SRD5A2: variants seen among roughly 807,000 people sequenced by gnomAD.
The protein encoded by SRD5A2 is 3-oxo-5-alpha-steroid 4-dehydrogenase 2.
Under a neutral mutation model 27.4 loss-of-function variants are expected in SRD5A2, and 30 were observed. The ratio of observed to expected loss-of-function variants is 1.10; its 90% CI spans 0.82 to 1.49. The LOEUF (loss-of-function observed/expected upper bound fraction) is 1.49. Among genes scored for constraint, SRD5A2 ranks in the 40% most tolerant of loss-of-function variants. The probability of loss-of-function intolerance (pLI) is 0.00; values close to 1 mark genes in which losing one functional copy is unlikely to be tolerated. For synonymous variants in SRD5A2, 141 were observed against 133.6 expected (o/e 1.06, Z -0.38); for missense variants, 348 against 323.4 (o/e 1.08, Z -0.58).
chr2:31,536,284 G>A (rs1312963299), intron 1 of SRD5A2, among the ~76,000 whole-genome samples: 1 of 152,208 alleles, frequency 6.6e-6, no homozygotes, highest in Non-Finnish European at 1.5e-5. Flanking sequence ...CAACTACAAA[G>A]TATCAAAAGA....
At chr2:31,619,364 A>C in the SRD5A2 span, among the ~76,000 whole-genome samples, 73 of 152,218 alleles carry the variant, frequency 4.8e-4, no homozygotes, top group African/African-American at 1.6e-3. Context: ...GGTTGATTCC[A>C]TATCTTTGCT....
Position 31,524,214 on chromosome 2 carries a change from G to A in SRD5A2, c.*1982C>T. 1 of 225,458 alleles carries A rather than the reference G, an allele frequency of 4.4e-6. No homozygotes were observed. The allele number at this position is 225,458 out of a possible 1,614,324, so 14.0% of individuals were successfully genotyped here. On this transcript the variant is annotated 3_prime_UTR_variant, in exon 5 of 5. Transcript: ENST00000622030. ...TAAGCAAGGTAGTTTTCAATGTCAT[G>A]GAGAGAACTGGAAGTCTTTTATGTC... is the stretch of plus-strand genomic sequence containing the variant.
the SRD5A2 span, among the ~76,000 whole-genome samples, chr2:31,610,968 G>A: frequency 6.6e-6 from 1 of 152,068 alleles, no homozygotes; most frequent in Admixed American, 6.6e-5. Context: ...AATTAGCCAG[G>A]CCTGGTGGCG....
the SRD5A2 span, among the ~76,000 whole-genome samples, chr2:31,594,136 A>G: frequency 1.3e-5 from 2 of 152,196 alleles, no homozygotes; most frequent in Non-Finnish European, 2.9e-5. Context: ...TCATGACACA[A>G]TGAAAAATAA....
chr2:31,615,525 T>C, the SRD5A2 span, among the ~76,000 whole-genome samples: 2 of 152,306 alleles, frequency 1.3e-5, no homozygotes, highest in East Asian at 3.9e-4. Flanking sequence ...ATTTAGGGTA[T>C]CTGGCAGGAG....
the SRD5A2 span, among the ~76,000 whole-genome samples, chr2:31,590,900 T>A: frequency 6.6e-6 from 1 of 152,232 alleles, no homozygotes; most frequent in South Asian, 2.1e-4. Flanking sequence ...AAGCTGAAAC[T>A]GGATCCCTTC....
intron 4 of SRD5A2, among the ~76,000 whole-genome samples, chr2:31,528,890 A>G (rs1665838324): frequency 6.6e-6 from 1 of 152,192 alleles, no homozygotes; most frequent in Non-Finnish European, 1.5e-5. Flanking sequence ...CTGAAGGTGG[A>G]AATGGAAGCG....
At chr2:31,573,265 G>C (rs1391572993) in intron 1 of SRD5A2, among the ~76,000 whole-genome samples, 1 of 152,148 alleles carries the variant, frequency 6.6e-6, no homozygotes, top group Non-Finnish European at 1.5e-5. Flanking sequence ...ATAATGCCTG[G>C]AACACCCAGA....
chr2:31,656,099 G>A, the SRD5A2 span, among the ~76,000 whole-genome samples: 1 of 152,190 alleles, frequency 6.6e-6, no homozygotes, highest in Non-Finnish European at 1.5e-5. Flanking sequence ...TCTTGAAGGA[G>A]AGGGAATCAA....
Position 31,580,899 on chromosome 2 carries a change from ATCGCGCCGTGTTCC to A in SRD5A2, c.-13_1del. ...TGGGCTCTGCTGGCACTGAACCTGC[ATCGCGCCGTGTTCC>A]TCGCCGGTGGCCGCTGCCCTCCCAG... On this transcript the variant is annotated start_lost and start_retained_variant and 5_prime_UTR_variant, in exon 1 of 5. Transcript: ENST00000622030. 1 of 1,595,722 alleles carries A rather than the reference ATCGCGCCGTGTTCC, an allele frequency of 6.3e-7. No homozygotes were observed. The highest frequency in any genetic ancestry group is 2.3e-5 in the East Asian group (1 of 44,416).
At chr2:31,529,983 A>G (rs1033564272) in intron 3 of SRD5A2, among the ~76,000 whole-genome samples, 2 of 152,182 alleles carry the variant, frequency 1.3e-5, no homozygotes, top group Non-Finnish European at 2.9e-5. Flanking sequence ...TCCTCTGTTC[A>G]TGTTTAAAGC....
chr2:31,546,686 T>A (rs1666269095), intron 1 of SRD5A2, among the ~76,000 whole-genome samples: 1 of 152,174 alleles, frequency 6.6e-6, no homozygotes, highest in South Asian at 2.1e-4. Context: ...ACCAGTTGGC[T>A]ACAATGCTCA....
the SRD5A2 span, among the ~76,000 whole-genome samples, chr2:31,619,257 T>C: frequency 6.6e-6 from 1 of 152,118 alleles, no homozygotes; most frequent in Non-Finnish European, 1.5e-5. Context: ...AATTTGGCAG[T>C]TCCTCAAAAA....
chr2:31,563,122 T>C (rs1159265832), intron 1 of SRD5A2: 1 of 152,128 alleles, frequency 6.6e-6, no homozygotes, highest in Admixed American at 6.6e-5. Context: ...ACAGGACTCA[T>C]GTAAAGGAAG....
At chr2:31,543,656 G>C (rs1666183000) in intron 1 of SRD5A2, among the ~76,000 whole-genome samples, 1 of 152,074 alleles carries the variant, frequency 6.6e-6, no homozygotes, top group Admixed American at 6.5e-5. Context: ...TAAAGTAGCA[G>C]AGTTTTATGT....
rs1665747918 is a variant in SRD5A2 at position 31,525,136 on chromosome 2, G to A, written c.*1060C>T. ...CTGCAATTTTCAGTCTCTGCCTGCA[G>A]GTCCTTTGAGGGAGGCATTCAGGCT... On this transcript the variant is annotated 3_prime_UTR_variant, in exon 5 of 5. Coordinates refer to ENST00000622030, the MANE Select transcript of SRD5A2 (RefSeq NM_000348.4). 1 of 220,504 alleles carries A rather than the reference G, an allele frequency of 4.5e-6. No individual in the cohort carries two copies. Among genetic ancestry groups the A allele is most frequent in the East Asian group, 6.6e-5 (1 of 15,242 alleles). 13.7% of individuals were successfully genotyped at this position (220,504 alleles called of 1,614,324 possible). A position where few individuals can be genotyped will look rare whatever the true frequency, so the allele number is the denominator to read the frequency against.
rs1045028780 is a variant in SRD5A2 at position 31,522,658 on chromosome 2, G to A, written c.*3538C>T. 11 of 220,976 alleles carry A rather than the reference G, an allele frequency of 5.0e-5. No individual in the cohort carries two copies. Among genetic ancestry groups the A allele is most frequent in the Non-Finnish European group, 7.2e-5 (8 of 110,440 alleles). The allele number at this position is 220,976 out of a possible 1,614,324, so 13.7% of individuals were successfully genotyped here. A position where few individuals can be genotyped will look rare whatever the true frequency, so the allele number is the denominator to read the frequency against. On this transcript the variant is annotated 3_prime_UTR_variant, in exon 5 of 5. Coordinates refer to ENST00000622030, the MANE Select transcript of SRD5A2 (RefSeq NM_000348.4). ...ACTTAGAAATTAAATCCACTCGATG[G>A]CTTATTAAATCACCCAAGAACTCAC... is the stretch of plus-strand genomic sequence containing the variant.
chr2:31,628,068 G>C, the SRD5A2 span, among the ~76,000 whole-genome samples: 1 of 152,016 alleles, frequency 6.6e-6, no homozygotes, highest in Admixed American at 6.6e-5. Context: ...TACTGTCAGT[G>C]GGGTGTTAAA....
chr2:31,633,813 C>A, the SRD5A2 span, among the ~76,000 whole-genome samples: 1 of 152,164 alleles, frequency 6.6e-6, no homozygotes, highest in South Asian at 2.1e-4. Flanking sequence ...GGGAAGGTAA[C>A]CACATCCACC....
Sources: gnomAD v4.1 joint callset for allele counts (sites outside exome capture counted in the v4.1 genomes callset) on GRCh38, gnomAD v4.1.1 for gene constraint, MANE v1.5 for transcripts, NCBI Gene and HGNC (gene_info 2026-07-23, HGNC 2026-07-21) for gene names.